EHD2: variants seen among roughly 807,000 people sequenced by gnomAD.
EHD2 encodes the protein EH domain containing 2.
In EHD2, 27 loss-of-function variants were observed where a neutral mutation model predicts 41.0. The observed-to-expected ratio is 0.66, with a 90% CI of 0.49 to 0.91. The LOEUF (loss-of-function observed/expected upper bound fraction) is 0.91, where lower values mean the gene tolerates loss of function less well. Among genes scored for constraint, EHD2 ranks in the 40% least tolerant of loss-of-function variants. EHD2 has a pLI of 0.00. For missense variants in EHD2, 673 were observed against 773.9 expected (o/e 0.87, Z 1.55); for synonymous variants, 342 against 341.0 (o/e 1.00, Z -0.03).
chr19:47,733,751 C>CAAAAAAAAAAAAAAAAAAAAAAAAAAAAA (rs34254815), intron 4 of EHD2, among the ~76,000 whole-genome samples: 2 of 57,116 alleles, frequency 3.5e-5, no homozygotes, highest in Non-Finnish European at 3.3e-5. Flanking sequence ...GACTCTGTCT[C>CAAAAAAAAAAAAAAAAAAAAAAAAAAAAA]AAAAAAAAAA....
At position 47,741,600 on chromosome 19, in the gene EHD2, G is replaced by A; in HGVS notation, c.*168G>A. The A allele has an allele frequency of 1.3e-6, 1 of 773,534 alleles. No homozygotes were observed. The highest frequency in any genetic ancestry group is 2.0e-6 in the Non-Finnish European group (1 of 492,176). 47.9% of individuals were successfully genotyped at this position (773,534 alleles called of 1,614,324 possible). ...ACACCCCGGTGGAAGCATTTAGAGG[G>A]GACCACGGGAGGGACAAGGCTTCTC... On this transcript the variant is annotated 3_prime_UTR_variant, in exon 6 of 6. Transcript: ENST00000263277. This position sits in a 1 kb window ranked among gnomAD's most constrained non-coding sequence, Gnocchi z 4.5.
At chr19:47,728,571 C>CTTT (rs761204748) in intron 4 of EHD2, among the ~76,000 whole-genome samples, 1 of 131,154 alleles carries the variant, frequency 7.6e-6, no homozygotes, top group African/African-American at 2.9e-5. Context: ...TTCTTTCTTT[C>CTTT]TTTTTTTTTT....
intron 4 of EHD2, among the ~76,000 whole-genome samples, chr19:47,727,390 C>A (rs1487932355): frequency 6.6e-6 from 1 of 152,158 alleles, no homozygotes; most frequent in African/African-American, 2.4e-5. Context: ...AGCCACCGCG[C>A]CAGGCCCACA....
intron 1 of EHD2, among the ~76,000 whole-genome samples, chr19:47,715,968 C>T (rs1332717723): frequency 6.6e-6 from 1 of 151,742 alleles, no homozygotes; most frequent in Non-Finnish European, 1.5e-5. Context: ...AGGATTGCAC[C>T]ATATTGGTCA....
intron 5 of EHD2, 38 bp downstream of exon 5, chr19:47,736,571 G>A (rs878894231): frequency 6.5e-7 from 1 of 1,538,694 alleles, no homozygotes; most frequent in Non-Finnish European, 8.8e-7. Flanking sequence ...GGGGGTGGGT[G>A]ATGGGAAGGT....
chr19:47,721,873 T>C (rs1356277634), intron 3 of EHD2, among the ~76,000 whole-genome samples: 1 of 151,930 alleles, frequency 6.6e-6, no homozygotes, highest in Non-Finnish European at 1.5e-5. Flanking sequence ...TAATCCCACC[T>C]ACTCGGGAGG....
In EHD2 at chr19:47,719,944, ATATG is replaced by A. The variant is rs1244116765; in HGVS notation, c.502+1340_502+1343del. 1.8e-5 allele frequency among the ~76,000 whole-genome samples: 2 copies of A among 112,064 alleles called. No homozygotes were observed. Among genetic ancestry groups the A allele is most frequent in the Non-Finnish European group, 3.4e-5 (2 of 58,346 alleles). 73.5% of individuals were successfully genotyped at this position (112,064 alleles called of 152,430 possible). A position where few individuals can be genotyped will look rare whatever the true frequency, so the allele number is the denominator to read the frequency against. On this transcript the variant is annotated intron_variant, in intron 3 of 5. Transcript: ENST00000263277. This position sits in a 1 kb window ranked among gnomAD's most constrained non-coding sequence, Gnocchi z 4.1. ...AGAGAGTGTCCAGCTGTTGGTGTGT[ATATG>A]TGTGTGTGTGTGTGTGTGTGTGACT...
At position 47,725,830 on chromosome 19, in the gene EHD2, T is replaced by C; in HGVS notation, c.521T>C (p.Val174Ala). 2 of 1,592,554 alleles carry C rather than the reference T, an allele frequency of 1.3e-6. No homozygotes were observed. The highest frequency in any genetic ancestry group is 1.7e-6 in the Non-Finnish European group (2 of 1,164,092). ...ACTCCAGGCTACGACTTCCCGGCCG[T>C]GCTGCGCTGGTTCGCGGAGCGCGTG... The part of the protein sequence containing the change: ...RVSRGYDFPA[V>A]LRWFAERVDL... Residue 174 changes from valine (V) to alanine (A), a missense_variant, in exon 4 of 6, where the codon GTG becomes GCG. Physicochemically the swap from Val to Ala is moderately conservative, Grantham distance 64. Transcript: ENST00000263277.
At chr19:47,731,314 A>ATAT (rs1160770476) in intron 4 of EHD2, 6 of 113,984 alleles carry the variant, frequency 5.3e-5, no homozygotes, top group Non-Finnish European at 9.7e-5. Flanking sequence ...ATATATATAT[A>ATAT]ATTTTTTTTT....
At chr19:47,734,228 A>T (rs1295237439) in intron 4 of EHD2, among the ~76,000 whole-genome samples, 1 of 151,962 alleles carries the variant, frequency 6.6e-6, no homozygotes, top group South Asian at 2.1e-4. Context: ...CCAGCTACTC[A>T]GGAGGCTGAG....
intron 3 of EHD2, among the ~76,000 whole-genome samples, chr19:47,725,396 CAAAA>C (rs10676405): frequency 4.0e-5 from 3 of 74,286 alleles, no homozygotes; most frequent in Admixed American, 1.6e-4. Flanking sequence ...CATCTCTACT[CAAAA>C]AAAAAAAAAA....
intron 3 of EHD2, among the ~76,000 whole-genome samples, chr19:47,724,448 G>A (rs1973728806): frequency 6.6e-6 from 1 of 152,136 alleles, no homozygotes; most frequent in East Asian, 1.9e-4. Context: ...ACAGTGGATG[G>A]GGGCAGAGGA....
rs1973711906 is a variant in EHD2, at chr19:47,722,849, T to A, written c.503-2963T>A. ...TCCCAAAGTGCTGGGATTGCAGGCG[T>A]GAGCCACCACGCCTAGCTAGTCCCC... On this transcript the variant is annotated intron_variant, in intron 3 of 5. Coordinates refer to ENST00000263277, the MANE Select transcript of EHD2 (RefSeq NM_014601.4). Among the ~76,000 whole-genome samples, 2 of 152,152 alleles carry A rather than the reference T, an allele frequency of 1.3e-5. 1 individual carries two copies. Among genetic ancestry groups the A allele is most frequent in the South Asian group, 4.1e-4 (2 of 4,834 alleles).
rs1052992580 is a variant in EHD2, at chr19:47,739,512, A to C, written c.1081-1369A>C. On this transcript the variant is annotated intron_variant, in intron 5 of 5. Transcript: ENST00000263277. ...GCTACTTGGGAGTCTGAGCCAGGAG[A>C]ATCGCTTGAACCCATGAGACGGAGG... Among the ~76,000 whole-genome samples the C allele has an allele frequency of 2.7e-5, 4 of 149,122 alleles. 1 individual carries two copies. The Admixed American group carries it at 2.7e-4, about 10-fold the overall frequency.
In EHD2 at chr19:47,725,001, A is replaced by G. The variant is rs1286705591; in HGVS notation, c.503-811A>G. On this transcript the variant is annotated intron_variant, in intron 3 of 5. Coordinates refer to ENST00000263277, the MANE Select transcript of EHD2 (RefSeq NM_014601.4). The stretch of plus-strand genomic sequence containing the variant: ...TGTCTCAAAAAAAAAAAAAAAAAAA[A>G]AAAAAAAAAAAAAAAAAATTATCAT... Among the ~76,000 whole-genome samples, 6 of 144,532 alleles carry G rather than the reference A, an allele frequency of 4.2e-5. 1 individual carries two copies. The highest frequency in any genetic ancestry group is 1.5e-4 in the African/African-American group (6 of 39,778). The allele number at this position is 144,532 out of a possible 152,430, so 94.8% of individuals were successfully genotyped here.
intron 4 of EHD2, among the ~76,000 whole-genome samples, chr19:47,731,702 C>G (rs1431448996): frequency 1.3e-5 from 2 of 152,114 alleles, no homozygotes; most frequent in Non-Finnish European, 2.9e-5. Context: ...TTCTCCCACA[C>G]CTCACCCCAC....
At chr19:47,715,078 T>A (rs866198871) in intron 1 of EHD2, among the ~76,000 whole-genome samples, 7 of 139,750 alleles carry the variant, frequency 5.0e-5, no homozygotes, top group East Asian at 4.0e-4. Flanking sequence ...AATAAATAAA[T>A]AAAAAGAAAG....
intron 1 of EHD2, 141 bp downstream of exon 1, chr19:47,713,679 TC>T: frequency 7.2e-6 from 1 of 139,630 alleles, no homozygotes; most frequent in Non-Finnish European, 1.5e-5. Context: ...TCTTCACCAG[TC>T]CCCCCAGTCT....
At chr19:47,731,287 T>TATATATATATAC (rs1973810139) in intron 4 of EHD2, 1 of 81,084 alleles carries the variant, frequency 1.2e-5, no homozygotes, top group African/African-American at 3.6e-5. Flanking sequence ...AAAATATATA[T>TATATATATATAC]ATATATATAT....
Sources: gnomAD v4.1 joint callset for allele counts (sites outside exome capture counted in the v4.1 genomes callset) on GRCh38, gnomAD v4.1.1 for gene constraint, Gnocchi (gnomAD v3.1) non-coding constraint, MANE v1.5 for transcripts, NCBI Gene and HGNC (gene_info 2026-07-23, HGNC 2026-07-21) for gene names.